HSD17B12: variants seen among roughly 807,000 people sequenced by gnomAD.
The protein encoded by HSD17B12 is very-long-chain 3-oxoacyl-CoA reductase.
Under a neutral mutation model 39.3 loss-of-function variants are expected in HSD17B12, and 32 were observed. That is an observed-to-expected ratio of 0.81 (90% CI 0.61 to 1.09). The LOEUF (loss-of-function observed/expected upper bound fraction) is 1.09. Among genes scored for constraint, HSD17B12 ranks in the 50% least tolerant of loss-of-function variants. The pLI is 0.00. For missense variants in HSD17B12, 342 were observed against 382.9 expected, an observed-to-expected ratio of 0.89 and a Z score of 0.89; for synonymous variants, 150 against 146.7, an observed-to-expected ratio of 1.02 and a Z score of -0.16.
intron 6 of HSD17B12, among the ~76,000 whole-genome samples, chr11:43,824,653 C>T (rs1162946392): frequency 1.3e-5 from 2 of 152,212 alleles, no homozygotes; most frequent in Non-Finnish European, 2.9e-5. Flanking sequence ...AGGCCCCACC[C>T]TCCTCTTAAT....
intron 2 of HSD17B12, 52 bp from the exon 3 acceptor site, chr11:43,753,994 T>C (rs1030035530): frequency 1.1e-5 from 13 of 1,200,518 alleles, no homozygotes; most frequent in Non-Finnish European, 1.5e-5. Flanking sequence ...AGCTCATTAA[T>C]GTTTTTCAGT....
chr11:43,737,692 C>T (rs1389473668), intron 1 of HSD17B12, among the ~76,000 whole-genome samples: 1 of 152,144 alleles, frequency 6.6e-6, no homozygotes, highest in African/African-American at 2.4e-5. Context: ...TTGTTAAAAG[C>T]TACCCTAACT....
At chr11:43,791,026 G>A (rs916091657) in intron 3 of HSD17B12, among the ~76,000 whole-genome samples, 3 of 152,042 alleles carry the variant, frequency 2.0e-5, no homozygotes, top group African/African-American at 7.2e-5. Context: ...AAAAAAAACT[G>A]TGTAGGGTGG....
At chr11:43,557,270 G>C in the HSD17B12 span, among the ~76,000 whole-genome samples, 11 of 152,182 alleles carry the variant, frequency 7.2e-5, no homozygotes, top group Non-Finnish European at 1.2e-4. Flanking sequence ...GAAGTATTCT[G>C]TAGTGGGCAT....
At chr11:43,746,034 A>T (rs527556100) in intron 1 of HSD17B12, among the ~76,000 whole-genome samples, 5 of 152,156 alleles carry the variant, frequency 3.3e-5, no homozygotes, top group Non-Finnish European at 7.4e-5. Context: ...ACAAAAGATT[A>T]AAAATGGCAC....
chr11:43,647,032 C>T, the HSD17B12 span, among the ~76,000 whole-genome samples: 1 of 152,122 alleles, frequency 6.6e-6, no homozygotes. Flanking sequence ...CAAAGGGTAA[C>T]TTTCTTGACT....
the HSD17B12 span, among the ~76,000 whole-genome samples, chr11:43,638,410 A>G: frequency 6.6e-6 from 1 of 151,454 alleles, no homozygotes; most frequent in Non-Finnish European, 1.5e-5. Flanking sequence ...AAGGCAGTGA[A>G]TTTTCCCAAA....
At chr11:43,613,223 A>G in the HSD17B12 span, among the ~76,000 whole-genome samples, 1 of 152,002 alleles carries the variant, frequency 6.6e-6, no homozygotes, top group Non-Finnish European at 1.5e-5. Context: ...GAAACCCTAG[A>G]TATACTAAAA....
rs879934677 is a variant in HSD17B12 at position 43,774,218 on chromosome 11, AT to A, written c.283+20111del. ...AAGATGTTTTATGTAAGACTTTGTA[AT>A]TTTTTTTTTTTTTGAGATGGAGTCT... On this transcript the variant is annotated intron_variant, in intron 3 of 10. Coordinates refer to ENST00000278353, the MANE Select transcript of HSD17B12 (RefSeq NM_016142.3). 9.2e-3 allele frequency among the ~76,000 whole-genome samples: 1,342 copies of A among 145,358 alleles called. 18 individuals are homozygous for A. Among genetic ancestry groups the A allele is most frequent in the African/African-American group, 0.026 (1,021 of 39,896 alleles).
chr11:43,832,104 C>T (rs956444647), intron 7 of HSD17B12, among the ~76,000 whole-genome samples: 1 of 152,136 alleles, frequency 6.6e-6, no homozygotes, highest in Non-Finnish European at 1.5e-5. Flanking sequence ...TAACACTTCC[C>T]TTTAAAATCT....
chr11:43,785,958 G>GT (rs1478394316), intron 3 of HSD17B12, among the ~76,000 whole-genome samples: 1 of 152,116 alleles, frequency 6.6e-6, no homozygotes, highest in Non-Finnish European at 1.5e-5. Flanking sequence ...TATCAGAAAA[G>GT]TTTTTTCTCT....
At chr11:43,794,924 G>A (rs1950903063) in intron 3 of HSD17B12, among the ~76,000 whole-genome samples, 1 of 152,138 alleles carries the variant, frequency 6.6e-6, no homozygotes, top group Admixed American at 6.5e-5. Context: ...ATGAGGCAAG[G>A]ATCAGAGTCC....
At chr11:43,731,564 T>A (rs7108550) in intron 1 of HSD17B12, among the ~76,000 whole-genome samples, 17,431 of 152,246 alleles carry the variant, frequency 0.11, 1,171 homozygotes, top group Middle Eastern at 0.18. Context: ...TTTAATGTAA[T>A]CATGTTGACT....
chr11:43,734,422 C>T (rs1950298010), intron 1 of HSD17B12: 1 of 763,562 alleles, frequency 1.3e-6, no homozygotes, highest in East Asian at 2.6e-5. Context: ...CCGAGCTGAT[C>T]ACCAACTCAC....
intron 9 of HSD17B12, among the ~76,000 whole-genome samples, chr11:43,848,923 G>T (rs144442983): frequency 7.2e-5 from 11 of 152,258 alleles, no homozygotes; most frequent in Admixed American, 2.0e-4. Context: ...TGGACATTTT[G>T]CAGTATCTTA....
intron 6 of HSD17B12, among the ~76,000 whole-genome samples, chr11:43,821,285 T>G (rs1951180438): frequency 6.6e-6 from 1 of 152,234 alleles, no homozygotes; most frequent in African/African-American, 2.4e-5. Flanking sequence ...TTTCCAGTTT[T>G]ACTCTTAAAT....
intron 4 of HSD17B12, among the ~76,000 whole-genome samples, chr11:43,806,725 G>A (rs1004126266): frequency 2.6e-5 from 4 of 152,130 alleles, no homozygotes; most frequent in African/African-American, 9.7e-5. Flanking sequence ...GTTTATTAAT[G>A]GGTACAAATG....
At chr11:43,807,631 T>A (rs932295824) in intron 4 of HSD17B12, among the ~76,000 whole-genome samples, 1 of 152,150 alleles carries the variant, frequency 6.6e-6, no homozygotes, top group African/African-American at 2.4e-5. Flanking sequence ...GAGAGATCTT[T>A]CTGACTCCCA....
At chr11:43,789,889 G>A (rs554486333) in intron 3 of HSD17B12, among the ~76,000 whole-genome samples, 13 of 152,144 alleles carry the variant, frequency 8.5e-5, no homozygotes, top group African/African-American at 2.4e-4. Flanking sequence ...CCATGACCGC[G>A]CCACTGCACT....
Sources: gnomAD v4.1 joint callset for allele counts (sites outside exome capture counted in the v4.1 genomes callset) on GRCh38, gnomAD v4.1.1 for gene constraint, MANE v1.5 for transcripts, NCBI Gene and HGNC (gene_info 2026-07-23, HGNC 2026-07-21) for gene names.